Variants in SDHA observed in about 807,000 individuals in gnomAD.
SDHA encodes the protein succinate dehydrogenase [ubiquinone] flavoprotein subunit, mitochondrial.
SDHA carries 48 observed loss-of-function variants against 78.4 expected under a neutral mutation model. The observed-to-expected ratio is 0.61, with a 90% CI of 0.49 to 0.78. The LOEUF (loss-of-function observed/expected upper bound fraction) is 0.78. Ranked by LOEUF, SDHA falls within the 30% of genes least tolerant of loss-of-function variation. The pLI, the probability that SDHA is intolerant of heterozygous loss-of-function variation, is 0.00. For missense variants in SDHA, 680 were observed against 892.7 expected, an observed-to-expected ratio of 0.76 and a Z score of 3.04; for synonymous variants, 326 against 353.9, an observed-to-expected ratio of 0.92 and a Z score of 0.88.
intron 4 of SDHA, 25 bp from the exon 5 acceptor site, chr5:225,858 T>C: frequency 6.2e-7 from 1 of 1,611,938 alleles, no homozygotes; most frequent in Non-Finnish European, 8.5e-7. Flanking sequence ...GTGTTAAGGT[T>C]TTTGTTTGTT....
chr5:228,682 T>A (rs1322222596), intron 6 of SDHA, among the ~76,000 whole-genome samples: 2 of 152,226 alleles, frequency 1.3e-5, no homozygotes, highest in Admixed American at 1.3e-4. Context: ...ACTGTATTGA[T>A]ACTGATTCCT....
At chr5:262,710 T>C in the SDHA span, among the ~76,000 whole-genome samples, 13,485 of 151,314 alleles carry the variant, frequency 0.089, 1,425 homozygotes, top group African/African-American at 0.3. Flanking sequence ...TAGAAGTAAA[T>C]GGGCTGCTGC....
intron 6 of SDHA, among the ~76,000 whole-genome samples, chr5:230,352 T>C (rs55750776): frequency 0.24 from 36,441 of 151,966 alleles, 6,788 homozygotes; most frequent in African/African-American, 0.52. Flanking sequence ...GGGCCAGGTG[T>C]GCAGTGGCTC....
Position 256,825 on chromosome 5 carries a change from T to TTC in SDHA, c.*406_*407insCT, listed in dbSNP as rs1554003051. On this transcript the variant is annotated 3_prime_UTR_variant, in exon 15 of 15. Transcript: ENST00000264932. ...TGTATAGTTTCTTTTTTCTTTTTCT[T>TTC]TTCTTTTTTTTTTTTGAGACAGGAT... The TTC allele has an allele frequency of 1.3e-4, 32 of 246,510 alleles. No homozygotes were observed. Among genetic ancestry groups the TTC allele is most frequent in the African/African-American group, 4.3e-4 (17 of 39,136 alleles). The allele number at this position is 246,510 out of a possible 1,614,324, so 15.3% of individuals were successfully genotyped here. A position where few individuals can be genotyped will look rare whatever the true frequency, so the allele number is the denominator to read the frequency against.
At chr5:252,847 A>T (rs73018820) in intron 13 of SDHA, among the ~76,000 whole-genome samples, 30 of 113,228 alleles carry the variant, frequency 2.6e-4, no homozygotes, top group Middle Eastern at 4.3e-3. Context: ...GTTTATTAAC[A>T]AGTAAGTCAC....
chr5:243,334 G>A (rs537568208), intron 11 of SDHA, among the ~76,000 whole-genome samples: 2 of 144,490 alleles, frequency 1.4e-5, no homozygotes, highest in Non-Finnish European at 1.5e-5. Flanking sequence ...TACTGACTTG[G>A]ACGCTCTTAC....
chr5:228,351 A>C lies in SDHA; in HGVS notation c.770+18A>C. 1 of 1,610,480 alleles carries C rather than the reference A, an allele frequency of 6.2e-7. No homozygotes were observed. Among genetic ancestry groups the C allele is most frequent in the Non-Finnish European group, 8.5e-7 (1 of 1,177,240 alleles). On this transcript the variant is annotated intron_variant, in intron 6 of 14. Coordinates refer to ENST00000264932, the MANE Select transcript of SDHA (RefSeq NM_004168.4). ...GCCACAGGGTAGGAATCTCATTTCTACTTTATTTTGTTTATAAAAATGAAT... is the reference window on the plus strand; with the variant it reads ...GCCACAGGGTAGGAATCTCATTTCTCCTTTATTTTGTTTATAAAAATGAAT...
At position 235,153 on chromosome 5, in the gene SDHA, C is replaced by T. The variant is rs1421396049; in HGVS notation, c.1074C>T (p.Gly358=). 6.2e-7 allele frequency: 1 copy of T among 1,613,938 alleles called. No homozygotes were observed. Among genetic ancestry groups the T allele is most frequent in the Non-Finnish European group, 8.5e-7 (1 of 1,179,826 alleles). Residue 358 remains glycine, a synonymous_variant, in exon 9 of 15, where the codon GGC becomes GGT. Transcript: ENST00000264932. ...TLEIREGRGC[G]PEKDHVYLQL... is the part of the protein sequence containing the mutation. The stretch of plus-strand genomic sequence containing the variant: ...TGTTCTGTCTTACCAGAGGCTGTGG[C>T]CCTGAGAAAGATCACGTCTACCTGC...
the SDHA span, among the ~76,000 whole-genome samples, chr5:263,387 C>G: frequency 6.6e-6 from 1 of 152,104 alleles, no homozygotes; most frequent in African/African-American, 2.4e-5. Flanking sequence ...TAGGAAGGAG[C>G]GGACTATTGG....
chr5:224,995 T>G (rs1170668539), intron 3 of SDHA, among the ~76,000 whole-genome samples: 3 of 152,194 alleles, frequency 2.0e-5, no homozygotes, highest in Non-Finnish European at 1.5e-5. Flanking sequence ...TGGAGTTTAT[T>G]ACTTGGCAGG....
At position 230,897 on chromosome 5, in the gene SDHA, C is replaced by A; in HGVS notation, c.792C>A (p.Phe264Leu). 6.2e-7 allele frequency: 1 copy of A among 1,614,112 alleles called. No homozygotes were observed. The highest frequency in any genetic ancestry group is 1.1e-5 in the South Asian group (1 of 91,082). Residue 264 changes from phenylalanine (F) to leucine (L), a missense_variant, in exon 7 of 15, where the codon TTC (phenylalanine) becomes TTA (leucine). Transcript: ENST00000264932. Reference protein sequence around the residue: ...VATGGYGRTYFSCTSAHTSTG... With the variant: ...VATGGYGRTYLSCTSAHTSTG... ...CCAGAGGCTACGGGCGCACCTACTTCAGCTGCACGTCTGCCCACACCAGCA... is the reference window on the plus strand; with the variant it reads ...CCAGAGGCTACGGGCGCACCTACTTAAGCTGCACGTCTGCCCACACCAGCA...
intron 4 of SDHA, 66 bp downstream of exon 4, chr5:225,628 A>G (rs1161870313): frequency 6.2e-7 from 1 of 1,608,782 alleles, no homozygotes; most frequent in Non-Finnish European, 8.5e-7. Flanking sequence ...CCTGGAAAAA[A>G]ATGTAAGCAA....
chr5:235,631 A>T, intron 9 of SDHA: 1 of 441,906 alleles, frequency 2.3e-6, no homozygotes, highest in Non-Finnish European at 4.2e-6. Context: ...ACATCAAGGG[A>T]TCTTTATAAT....
At chr5:233,856 G>C in intron 8 of SDHA, 2 of 544,142 alleles carry the variant, frequency 3.7e-6, no homozygotes, top group South Asian at 4.0e-5. Context: ...CAAATCTGTG[G>C]AACAGAGTTT....
rs368286780 is a variant in SDHA, at chr5:225,451, G to C, written c.345G>C (p.Glu115Asp). The C allele has an allele frequency of 5.0e-6, 8 of 1,613,142 alleles. No homozygotes were observed. The highest frequency in any genetic ancestry group is 6.8e-6 in the Non-Finnish European group (8 of 1,179,870). Residue 115 changes from glutamate (E) to aspartate (D), a missense_variant, in exon 4 of 15, where the codon GAG (glutamate) becomes GAC (aspartate). By Grantham distance (45) the Glu-to-Asp change is conservative (BLOSUM62 2). Transcript: ENST00000264932. ...GGINAALGNM[E>D]EDNWRWHFYD... ...TCAATGCTGCTCTGGGGAACATGGA[G>C]GAGGACAACTGGAGGTGGCATTTCT... is the stretch of plus-strand genomic sequence containing the variant.
intron 11 of SDHA, among the ~76,000 whole-genome samples, chr5:245,007 G>A (rs1247210191): frequency 2.6e-5 from 4 of 152,076 alleles, no homozygotes; most frequent in South Asian, 2.1e-4. Flanking sequence ...TTTTGATGGC[G>A]GCCATTGTTA....
chr5:244,662 G>A (rs899658694), intron 11 of SDHA, among the ~76,000 whole-genome samples: 6 of 152,228 alleles, frequency 3.9e-5, no homozygotes, highest in African/African-American at 1.4e-4. Flanking sequence ...CTGGCCGTCT[G>A]TGTGGCCAAT....
chr5:254,879 G>A (rs929548112), intron 14 of SDHA, among the ~76,000 whole-genome samples: 21 of 152,032 alleles, frequency 1.4e-4, no homozygotes, highest in African/African-American at 4.6e-4. Context: ...CCAGTCCCAC[G>A]TTAAGGGAGC....
At chr5:234,608 A>G (rs1735648437) in intron 8 of SDHA, 1 of 172,612 alleles carries the variant, frequency 5.8e-6, no homozygotes, top group Non-Finnish European at 1.3e-5. Flanking sequence ...TGTAACAGCT[A>G]TTTACGTAGC....
Sources: allele counts gnomAD v4.1 joint callset (sites outside exome capture counted in the v4.1 genomes callset), GRCh38; gene constraint gnomAD v4.1.1; transcripts MANE v1.5; gene names NCBI Gene and HGNC (gene_info 2026-07-23, HGNC 2026-07-21).